IPPK: variants seen among roughly 807,000 people sequenced by gnomAD.
IPPK encodes the protein IPK1 homolog.
Under a neutral mutation model 64.6 loss-of-function variants are expected in IPPK, and 22 were observed. That is an observed-to-expected ratio of 0.34 (90% CI 0.24 to 0.49). The LOEUF is 0.49. Ranked by LOEUF, IPPK falls within the 20% of genes least tolerant of loss-of-function variation. The pLI is 0.99. For synonymous variants in IPPK, 262 were observed against 247.2 expected (o/e 1.06, Z -0.56); for missense variants, 532 against 630.7 (o/e 0.84, Z 1.68).
chr9:92,641,681 C>T (rs1027006897), intron 7 of IPPK, among the ~76,000 whole-genome samples: 4 of 152,172 alleles, frequency 2.6e-5, no homozygotes, highest in African/African-American at 7.2e-5. Flanking sequence ...AAGACAACTC[C>T]GCGTTCGATC....
chr9:92,659,211 A>C (rs1852432687), intron 1 of IPPK, among the ~76,000 whole-genome samples: 1 of 152,174 alleles, frequency 6.6e-6, no homozygotes, highest in Admixed American at 6.5e-5. Flanking sequence ...GGTAACACTG[A>C]CCCCTTGTGC....
At chr9:92,645,203 C>T (rs1195475718) in intron 6 of IPPK, among the ~76,000 whole-genome samples, 1 of 151,790 alleles carries the variant, frequency 6.6e-6, no homozygotes, top group African/African-American at 2.4e-5. Context: ...CCAGCCTGGG[C>T]AACATGGTAA....
chr9:92,615,963 G>A lies in IPPK; in HGVS notation c.1345C>T (p.Pro449Ser), dbSNP rs201903904. ...TTGCCGTCCAGTTTATACTGATGGG[G>A]AATGCTCTCGTAGGGCTTGAGGTCA... ...DLDLKPYESIPHQYKLDGKIV... is the reference protein window; with the variant it reads ...DLDLKPYESISHQYKLDGKIV... The change falls in exon 13 of 13, where the codon CCC becomes TCC. Residue 449 changes from proline to serine, a missense_variant. Transcript: ENST00000287996. 1 of 1,614,080 alleles carries A rather than the reference G, an allele frequency of 6.2e-7. No individual in the cohort carries two copies.
At chr9:92,643,488 T>C (rs1852090848) in intron 6 of IPPK, among the ~76,000 whole-genome samples, 1 of 151,866 alleles carries the variant, frequency 6.6e-6, no homozygotes, top group South Asian at 2.1e-4. Flanking sequence ...ATAAATGATA[T>C]GCAGCCACTA....
At position 92,613,597 on chromosome 9, in the gene IPPK, A is replaced by G. The variant is rs1588322599; in HGVS notation, c.*2235T>C. 1 of 165,578 alleles carries G rather than the reference A, an allele frequency of 6.0e-6. No homozygotes were observed. The allele number at this position is 165,578 out of a possible 1,614,324, so 10.3% of individuals were successfully genotyped here. On this transcript the variant is annotated 3_prime_UTR_variant, in exon 13 of 13. Coordinates refer to ENST00000287996, the MANE Select transcript of IPPK (RefSeq NM_022755.6). ...ATCTTTAAACTGTCCTTAGTAGCCC[A>G]GGGGAGCCACACCCTCACTCCCTGC...
At chr9:92,656,931 A>G (rs1481965598) in intron 2 of IPPK, among the ~76,000 whole-genome samples, 1 of 152,158 alleles carries the variant, frequency 6.6e-6, no homozygotes, top group African/African-American at 2.4e-5. Flanking sequence ...TAGCCTCTAA[A>G]TGTAGAATAT....
At chr9:92,648,587 C>T (rs1313226890) in intron 5 of IPPK, among the ~76,000 whole-genome samples, 1 of 152,202 alleles carries the variant, frequency 6.6e-6, no homozygotes, top group Non-Finnish European at 1.5e-5. Flanking sequence ...AAGGAAGCCC[C>T]AGTGCCCTCT....
At chr9:92,649,404 A>G (rs1564036863) in intron 5 of IPPK, 49 bp downstream of exon 5, 1 of 1,611,268 alleles carries the variant, frequency 6.2e-7, no homozygotes, top group Non-Finnish European at 8.5e-7. Flanking sequence ...TTACTACCCA[A>G]GACTGACCTT....
chr9:92,668,685 G>A (rs1852656424), intron 1 of IPPK, among the ~76,000 whole-genome samples: 1 of 152,170 alleles, frequency 6.6e-6, no homozygotes, highest in South Asian at 2.1e-4. Context: ...TGCCAATAGT[G>A]GACTACACAA....
chr9:92,636,353 A>G (rs1296491620), intron 9 of IPPK, among the ~76,000 whole-genome samples: 1 of 152,154 alleles, frequency 6.6e-6, no homozygotes, highest in Middle Eastern at 3.2e-3. Flanking sequence ...AATGCATGTG[A>G]TCTCCAGGCG....
At chr9:92,642,714 A>G in intron 7 of IPPK, 38 bp downstream of exon 7, 1 of 1,550,670 alleles carries the variant, frequency 6.4e-7, no homozygotes, top group Non-Finnish European at 8.8e-7. Context: ...TCTCCAGGGA[A>G]CCTGACACAA....
chr9:92,658,145 A>G (rs915879569), intron 2 of IPPK, among the ~76,000 whole-genome samples: 1 of 151,984 alleles, frequency 6.6e-6, no homozygotes, highest in Non-Finnish European at 1.5e-5. Context: ...CAAAAAAGAG[A>G]GGGCAATGCT....
intron 2 of IPPK, among the ~76,000 whole-genome samples, chr9:92,658,106 A>G (rs1852409039): frequency 6.6e-6 from 1 of 152,014 alleles, no homozygotes; most frequent in Admixed American, 6.6e-5. Flanking sequence ...ACCAACAGAG[A>G]TTTGCACAGA....
chr9:92,667,870 T>C (rs1852632485), intron 1 of IPPK, among the ~76,000 whole-genome samples: 1 of 151,826 alleles, frequency 6.6e-6, no homozygotes, highest in Non-Finnish European at 1.5e-5. Context: ...GCCACTGCAG[T>C]CCAGCCTGGG....
chr9:92,655,498 G>A (rs1852354906), intron 3 of IPPK, among the ~76,000 whole-genome samples: 1 of 152,106 alleles, frequency 6.6e-6, no homozygotes, highest in Admixed American at 6.5e-5. Flanking sequence ...GACAAACCTG[G>A]AGCCAGACTG....
At chr9:92,669,412 T>C (rs1852677167) in intron 1 of IPPK, among the ~76,000 whole-genome samples, 1 of 152,194 alleles carries the variant, frequency 6.6e-6, no homozygotes, top group Admixed American at 6.5e-5. Flanking sequence ...AGCACAGCAA[T>C]TCCGTAGTCT....
At chr9:92,631,378 T>C (rs894203025) in intron 11 of IPPK, among the ~76,000 whole-genome samples, 7 of 152,072 alleles carry the variant, frequency 4.6e-5, no homozygotes, top group African/African-American at 1.7e-4. Context: ...GTATTTTTAG[T>C]AGAGACAGAG....
chr9:92,636,665 AAC>A lies in IPPK; in HGVS notation c.916+1334_916+1335del, dbSNP rs1851948649. 3.3e-5 allele frequency among the ~76,000 whole-genome samples: 5 copies of A among 152,166 alleles called. No individual in the cohort carries two copies. In the South Asian group the frequency reaches 1.0e-3, roughly 32 times the overall value. ...TTAAAAATAATTAATTTAAAAAAAA[AAC>A]ATATATGTGATGATATAGATACAGA... On this transcript the variant is annotated intron_variant, in intron 9 of 12. Coordinates refer to ENST00000287996, the MANE Select transcript of IPPK (RefSeq NM_022755.6).
intron 11 of IPPK, among the ~76,000 whole-genome samples, chr9:92,630,657 T>C (rs1851822413): frequency 6.6e-6 from 1 of 151,590 alleles, no homozygotes; most frequent in Non-Finnish European, 1.5e-5. Context: ...TGTAAAATAA[T>C]ACTCTAAATT....
Sources: gnomAD v4.1 joint callset for allele counts (sites outside exome capture counted in the v4.1 genomes callset) on GRCh38, gnomAD v4.1.1 for gene constraint, MANE v1.5 for transcripts, NCBI Gene and HGNC (gene_info 2026-07-23, HGNC 2026-07-21) for gene names.